AIG1: variants seen among roughly 807,000 people sequenced by gnomAD.
AIG1 encodes the protein androgen induced 1, also known as androgen-induced gene 1 protein.
A neutral mutation model predicts 31.4 loss-of-function variants in AIG1; 23 were observed. The observed-to-expected ratio is 0.73, with a 90% CI of 0.53 to 1.04. The LOEUF (loss-of-function observed/expected upper bound fraction) is 1.04. Ranked by LOEUF, AIG1 falls within the 50% of genes least tolerant of loss-of-function variation. The pLI is 0.00. For missense variants in AIG1, 274 were observed against 295.0 expected (o/e 0.93, Z 0.52); for synonymous variants, 100 against 110.5 (o/e 0.90, Z 0.60).
chr6:143,342,570 T>C, downstream of AIG1: 1 of 955,298 alleles, frequency 1.0e-6, no homozygotes, highest in Non-Finnish European at 1.7e-6. Context: ...CTGTTGGGTT[T>C]ACAGGCTGTG....
chr6:143,230,165 C>T (rs1793337158), intron 3 of AIG1, among the ~76,000 whole-genome samples: 1 of 152,066 alleles, frequency 6.6e-6, no homozygotes, highest in African/African-American at 2.4e-5. Flanking sequence ...GCTAATGTCC[C>T]TAGCAGTTTC....
intron 2 of AIG1, among the ~76,000 whole-genome samples, chr6:143,148,422 T>C (rs1784888283): frequency 6.6e-6 from 1 of 151,168 alleles, no homozygotes; most frequent in Non-Finnish European, 1.5e-5. Flanking sequence ...GCTGGGAGGA[T>C]CCCTTGAGCC....
At chr6:143,069,726 AT>A (rs1404392888) in intron 1 of AIG1, among the ~76,000 whole-genome samples, 1 of 152,098 alleles carries the variant, frequency 6.6e-6, no homozygotes, top group Admixed American at 6.6e-5. Flanking sequence ...CAAATATGTG[AT>A]TTGCAAATGT....
intron 1 of AIG1, among the ~76,000 whole-genome samples, chr6:143,115,610 T>C (rs1781666736): frequency 1.3e-5 from 2 of 152,168 alleles, no homozygotes; most frequent in South Asian, 4.1e-4. Flanking sequence ...CTCTCATAGT[T>C]ACAGACTCAC....
intron 1 of AIG1, among the ~76,000 whole-genome samples, chr6:143,113,782 CT>C (rs916326684): frequency 6.1e-5 from 9 of 148,524 alleles, no homozygotes; most frequent in Middle Eastern, 3.5e-3. Flanking sequence ...TAAATGTTTT[CT>C]TTTTTTTTTG....
Position 143,338,365 on chromosome 6 carries a change from T to G in AIG1, c.680-1274T>G. The G allele has an allele frequency of 5.1e-6, 1 of 196,264 alleles. No homozygotes were observed. The highest frequency in any genetic ancestry group is 1.0e-5 in the Non-Finnish European group (1 of 97,474). 12.2% of individuals were successfully genotyped at this position (196,264 alleles called of 1,614,324 possible). A position where few individuals can be genotyped will look rare whatever the true frequency, so the allele number is the denominator to read the frequency against. ...CTTCATAGGATTTCTGAGAAGGACT[T>G]TGGAAAAAGTGCTCCAGATCTCTGC... On this transcript the variant is annotated intron_variant, in intron 5 of 5. Coordinates refer to ENST00000357847, the MANE Select transcript of AIG1 (RefSeq NM_016108.4). The surrounding 1 kb of genome is among the most constrained non-coding windows in gnomAD (Gnocchi z 4.3).
intron 3 of AIG1, among the ~76,000 whole-genome samples, chr6:143,186,172 C>G (rs1244034326): frequency 4.6e-5 from 7 of 152,204 alleles, no homozygotes; most frequent in Non-Finnish European, 1.0e-4. Context: ...CTCTCTGTAC[C>G]TGTCTCCATG....
intron 3 of AIG1, among the ~76,000 whole-genome samples, chr6:143,274,813 C>A (rs1380088385): frequency 6.6e-6 from 1 of 152,166 alleles, no homozygotes; most frequent in Non-Finnish European, 1.5e-5. Flanking sequence ...GACAAGTGAA[C>A]CCCTCTGTTC....
Position 143,163,673 on chromosome 6 carries a change from A to G in AIG1, c.298-1409A>G, listed in dbSNP as rs1192397108. Reference sequence around the variant, plus strand: ...TACGTTATCCACAGCAGTGCCCCAAATCCACTCTTTGTGCTCAGCTCTATT... The same window carrying G: ...TACGTTATCCACAGCAGTGCCCCAAGTCCACTCTTTGTGCTCAGCTCTATT... On this transcript the variant is annotated intron_variant, in intron 2 of 5. Transcript: ENST00000357847. 2.0e-5 allele frequency among the ~76,000 whole-genome samples: 3 copies of G among 152,232 alleles called. No homozygotes were observed. In the East Asian group the frequency reaches 5.8e-4, roughly 29 times the overall value.
chr6:143,165,054 G>A, intron 2 of AIG1, 28 bp from the exon 3 acceptor site: 1 of 1,515,212 alleles, frequency 6.6e-7, no homozygotes, highest in South Asian at 1.1e-5. Context: ...CGATGAACTT[G>A]AAATAAAAGA....
At position 143,333,282 on chromosome 6, in the gene AIG1, G is replaced by T; in HGVS notation, c.516G>T (p.Trp172Cys). The change falls in exon 5 of 6, where the codon TGG becomes TGT. Residue 172 changes from tryptophan (W) to cysteine (C), a missense_variant and splice_region_variant. Trp to Cys is a radical substitution (Grantham distance 215, BLOSUM62 -2). This residue lies in a region of AIG1 where 243 missense variants were observed against 238.5 expected (regional missense o/e 1.02). Transcript: ENST00000357847. The surrounding 1 kb of genome is among the most constrained non-coding windows in gnomAD (Gnocchi z 4.6). ...ICTFSVGYIL[W>C]VCWVHHVTGM... ...TGTCTCCTTTCCGATTCTTTTGCAG[G>T]GTGTGCTGGGTGCATCATGTAACTG... The T allele has an allele frequency of 6.2e-7, 1 of 1,604,822 alleles. No individual in the cohort carries two copies. The highest frequency in any genetic ancestry group is 1.1e-5 in the South Asian group (1 of 89,406).
chr6:143,306,807 G>T (rs1358276033), intron 4 of AIG1, among the ~76,000 whole-genome samples: 1 of 152,160 alleles, frequency 6.6e-6, no homozygotes, highest in Non-Finnish European at 1.5e-5. Flanking sequence ...TTCCAACTTG[G>T]TTCCATTCTC....
intron 4 of AIG1, among the ~76,000 whole-genome samples, chr6:143,307,611 T>C (rs1195583991): frequency 2.0e-5 from 3 of 152,110 alleles, no homozygotes; most frequent in African/African-American, 7.2e-5. Flanking sequence ...CTGCCCCTAC[T>C]GGGGGGTGCC....
At chr6:143,309,910 C>T (rs1311470969) in intron 4 of AIG1, among the ~76,000 whole-genome samples, 1 of 151,850 alleles carries the variant, frequency 6.6e-6, no homozygotes, top group Non-Finnish European at 1.5e-5. Flanking sequence ...AACAGGAGTA[C>T]TACATAATAA....
chr6:143,127,282 A>G (rs1282560044), intron 1 of AIG1, among the ~76,000 whole-genome samples: 1 of 152,090 alleles, frequency 6.6e-6, no homozygotes, highest in Non-Finnish European at 1.5e-5. Context: ...TTCTCTCCAC[A>G]GTTTTCCTTC....
rs1379472707 is a variant in AIG1, at chr6:143,297,006, AGCTCTGTCCTCAAG to A, written c.515+12783_515+12796del. Among the ~76,000 whole-genome samples the A allele has an allele frequency of 6.6e-6, 1 of 152,220 alleles. No individual in the cohort carries two copies. ...GGAGGTAGACTATGGAAGAAGCTTCAGCTCTGTCCTCAAGGAGCTTACAGTCTATTGAAGGATAC... is the reference window on the plus strand; with the variant it reads ...GGAGGTAGACTATGGAAGAAGCTTCAGAGCTTACAGTCTATTGAAGGATAC... On this transcript the variant is annotated intron_variant, in intron 4 of 5. Coordinates refer to ENST00000357847, the MANE Select transcript of AIG1 (RefSeq NM_016108.4). The surrounding 1 kb of genome is among the most constrained non-coding windows in gnomAD (Gnocchi z 5.1).
At chr6:143,179,309 T>C (rs532609363) in intron 3 of AIG1, among the ~76,000 whole-genome samples, 1 of 152,330 alleles carries the variant, frequency 6.6e-6, no homozygotes, top group South Asian at 2.1e-4. Context: ...GAGATCTGTA[T>C]AATTAAAAGA....
intron 3 of AIG1, among the ~76,000 whole-genome samples, chr6:143,203,633 A>G (rs943552282): frequency 5.9e-5 from 9 of 152,160 alleles, no homozygotes; most frequent in Non-Finnish European, 1.3e-4. Flanking sequence ...GGACCAATGG[A>G]TGGAAGCTTT....
intron 3 of AIG1, among the ~76,000 whole-genome samples, chr6:143,227,935 G>T (rs549560526): frequency 6.6e-6 from 1 of 152,110 alleles, no homozygotes; most frequent in African/African-American, 2.4e-5. Flanking sequence ...TATCTGTTAG[G>T]TATCTATTAT....
Sources: gnomAD v4.1 joint callset for allele counts (sites outside exome capture counted in the v4.1 genomes callset) on GRCh38, gnomAD v4.1.1 for gene constraint, gnomAD v4.1.1 regional missense constraint, Gnocchi (gnomAD v3.1) non-coding constraint, MANE v1.5 for transcripts, NCBI Gene and HGNC (gene_info 2026-07-23, HGNC 2026-07-21) for gene names.